Variants in GABRA3 observed in about 807,000 individuals in gnomAD.
GABRA3 encodes the protein gamma-aminobutyric acid type A receptor subunit alpha3, also known as gamma-aminobutyric acid receptor subunit alpha-3.
GABRA3 carries 10 observed loss-of-function variants against 30.1 expected under a neutral mutation model. The ratio of observed to expected loss-of-function variants is 0.33; its 90% CI spans 0.20 to 0.56. The LOEUF (loss-of-function observed/expected upper bound fraction) is 0.56, where lower values mean the gene tolerates loss of function less well. GABRA3 is among the 20% of genes least tolerant of loss of function. The probability of loss-of-function intolerance (pLI) is 0.89; values close to 1 mark genes in which losing one functional copy is unlikely to be tolerated. For synonymous variants in GABRA3, 151 were observed against 146.8 expected (o/e 1.03, Z -0.21); for missense variants, 233 against 392.0 (o/e 0.59, Z 3.42).
intron 5 of GABRA3, among the ~76,000 whole-genome samples, chrX:152,239,518 T>C (rs1176931035): frequency 5.4e-5 from 5 of 92,971 alleles, no homozygotes; most frequent in Middle Eastern, 5.3e-3. Context: ...GTCCACTTGG[T>C]GCAGAGCTGA....
At chrX:152,437,424 AG>A (rs767486012) in intron 1 of GABRA3, among the ~76,000 whole-genome samples, 1 of 112,022 alleles carries the variant, frequency 8.9e-6, no homozygotes, top group Non-Finnish European at 1.9e-5. Context: ...ATTGTTGGAT[AG>A]GAAGATTCAT....
intron 4 of GABRA3, among the ~76,000 whole-genome samples, chrX:152,283,161 C>T (rs1037554309): frequency 1.8e-5 from 2 of 111,026 alleles, no homozygotes; most frequent in African/African-American, 6.6e-5. Flanking sequence ...TAACACATGC[C>T]TGTGGGAATT....
At chrX:152,292,838 A>G (rs545265303) in intron 3 of GABRA3, among the ~76,000 whole-genome samples, 1 of 111,915 alleles carries the variant, frequency 8.9e-6, no homozygotes. Context: ...CAGGTTGTTC[A>G]GTTTCCACGT....
chrX:152,324,715 C>T (rs1265190482), intron 3 of GABRA3, among the ~76,000 whole-genome samples: 1 of 111,120 alleles, frequency 9.0e-6, no homozygotes, highest in African/African-American at 3.3e-5. Flanking sequence ...ATAGTCAATA[C>T]ATTGAATAAA....
chrX:152,402,624 T>A (rs925630061), intron 1 of GABRA3, among the ~76,000 whole-genome samples: 1 of 111,497 alleles, frequency 9.0e-6, no homozygotes, highest in African/African-American at 3.3e-5. Context: ...TCTTTCCCTA[T>A]GTCTCAGTTT....
chrX:152,359,577 T>C (rs1034874645), intron 2 of GABRA3, among the ~76,000 whole-genome samples: 100 of 111,078 alleles, frequency 9.0e-4, no homozygotes, highest in African/African-American at 3.2e-3. Context: ...ATTTTTGTTA[T>C]TTCTTGTCTT....
chrX:152,268,026 T>C (rs1938859565), intron 4 of GABRA3, among the ~76,000 whole-genome samples: 1 of 111,375 alleles, frequency 9.0e-6, no homozygotes, highest in Non-Finnish European at 1.9e-5. Context: ...TAATTTGGGG[T>C]TTGATTTGTT....
chrX:152,401,536 C>T (rs1347004978), intron 1 of GABRA3, among the ~76,000 whole-genome samples: 1 of 111,397 alleles, frequency 9.0e-6, no homozygotes, highest in Non-Finnish European at 1.9e-5. Context: ...TTTTTACTTG[C>T]TCACAAACCA....
intron 4 of GABRA3, among the ~76,000 whole-genome samples, chrX:152,271,701 C>A: frequency 8.9e-6 from 1 of 112,012 alleles, no homozygotes; most frequent in South Asian, 3.8e-4. Context: ...TATGGCAGCC[C>A]CTCCCATCAC....
At chrX:152,211,113 T>C (rs1464374547) in intron 6 of GABRA3, among the ~76,000 whole-genome samples, 1 of 110,793 alleles carries the variant, frequency 9.0e-6, no homozygotes, top group Admixed American at 9.8e-5. Flanking sequence ...TGTAACACTT[T>C]TTGTTTAAAG....
chrX:152,397,205 T>C (rs1929682855), intron 1 of GABRA3, among the ~76,000 whole-genome samples: 1 of 111,759 alleles, frequency 8.9e-6, no homozygotes, highest in Admixed American at 9.5e-5. Flanking sequence ...AGAGACGGCT[T>C]GTGAGAACCA....
intron 5 of GABRA3, among the ~76,000 whole-genome samples, chrX:152,243,656 T>C (rs1001936440): frequency 3.6e-5 from 4 of 111,462 alleles, no homozygotes; most frequent in African/African-American, 1.3e-4. Flanking sequence ...GAGTGATGTA[T>C]CTAGGGAAGA....
intron 9 of GABRA3, among the ~76,000 whole-genome samples, chrX:152,185,908 T>A (rs1301708244): frequency 8.9e-6 from 1 of 112,279 alleles, no homozygotes; most frequent in Non-Finnish European, 1.9e-5. Context: ...AGGTCTATTT[T>A]TTTGTACCTA....
At chrX:152,217,888 A>G (rs933925071) in intron 6 of GABRA3, among the ~76,000 whole-genome samples, 3 of 109,907 alleles carry the variant, frequency 2.7e-5, no homozygotes, top group African/African-American at 9.8e-5. Context: ...TGAAAGGTTT[A>G]TCAGTTTTGC....
intron 3 of GABRA3, among the ~76,000 whole-genome samples, chrX:152,320,531 A>G (rs750465572): frequency 1.8e-5 from 2 of 111,294 alleles, no homozygotes; most frequent in African/African-American, 6.5e-5. Context: ...ATGAGGATGC[A>G]AAGGTGTAAG....
At chrX:152,312,206 G>A (rs7066637) in intron 3 of GABRA3, among the ~76,000 whole-genome samples, 151 of 111,753 alleles carry the variant, frequency 1.4e-3, no homozygotes, top group African/African-American at 4.5e-3. Flanking sequence ...GAACAAAGCC[G>A]GAGGCATCAT....
At chrX:152,176,221 A>G (rs934319768) in intron 9 of GABRA3, among the ~76,000 whole-genome samples, 1 of 111,294 alleles carries the variant, frequency 9.0e-6, no homozygotes, top group African/African-American at 3.3e-5. Flanking sequence ...TAAGGTTTTG[A>G]GCACCATCGT....
chrX:152,362,198 G>A (rs1403436635), intron 2 of GABRA3, among the ~76,000 whole-genome samples: 1 of 110,442 alleles, frequency 9.1e-6, no homozygotes, highest in African/African-American at 3.3e-5. Flanking sequence ...AAAATAATTA[G>A]GAATACTTCC....
intron 1 of GABRA3, among the ~76,000 whole-genome samples, chrX:152,383,896 G>A (rs1435913784): frequency 9.3e-6 from 1 of 107,245 alleles, no homozygotes; most frequent in Admixed American, 1.0e-4. Context: ...CATTCTTAAT[G>A]GAAAGGAAGA....
Sources: allele counts gnomAD v4.1 joint callset (sites outside exome capture counted in the v4.1 genomes callset), GRCh38; gene constraint gnomAD v4.1.1; transcripts MANE v1.5; gene names NCBI Gene and HGNC (gene_info 2026-07-23, HGNC 2026-07-21).